DLG4: variants seen among roughly 807,000 people sequenced by gnomAD.
DLG4 encodes discs large MAGUK scaffold protein 4.
DLG4 carries 7 observed loss-of-function variants against 93.8 expected under a neutral mutation model. That is an observed-to-expected ratio of 0.07 (90% CI 0.04 to 0.14). The LOEUF (loss-of-function observed/expected upper bound fraction) is 0.14, where lower values mean the gene tolerates loss of function less well. Among genes scored for constraint, DLG4 ranks in the 10% least tolerant of loss-of-function variants. DLG4 has a pLI of 1.00. For synonymous variants in DLG4, 341 were observed against 387.6 expected, an observed-to-expected ratio of 0.88 and a Z score of 1.41; for missense variants, 545 against 992.9, an observed-to-expected ratio of 0.55 and a Z score of 6.06.
At position 7,204,034 on chromosome 17, in the gene DLG4, C is replaced by T; in HGVS notation, c.184G>A (p.Glu62Lys). The T allele has an allele frequency of 6.2e-7, 1 of 1,611,102 alleles. No individual in the cohort carries two copies. Among genetic ancestry groups the T allele is most frequent in the Non-Finnish European group, 8.5e-7 (1 of 1,178,654 alleles). Residue 62 changes from glutamate to lysine, a missense_variant, in exon 4 of 20, where the codon GAA (glutamate) becomes AAA (lysine). This residue lies in a region of DLG4 where 49 missense variants were observed against 80.4 expected (regional missense o/e 0.61). Transcript: ENST00000399506. Reference protein sequence around the residue: ...LQVNGTEGEMEYEEITLERGN... With the variant: ...LQVNGTEGEMKYEEITLERGN... ...CTTTCCAATGTGATTTCCTCGTATT[C>T]CATCTCCCCCTCGGTCCCGTTCACC...
At chr17:7,207,211 GA>G (rs1458519981) in intron 2 of DLG4, among the ~76,000 whole-genome samples, 2 of 151,996 alleles carry the variant, frequency 1.3e-5, no homozygotes, top group African/African-American at 4.8e-5. Context: ...AGGCAAGAGG[GA>G]ACATGGGAAA....
chr17:7,202,331 T>G (rs2070184051), intron 8 of DLG4, among the ~76,000 whole-genome samples: 1 of 152,178 alleles, frequency 6.6e-6, no homozygotes, highest in South Asian at 2.1e-4. Context: ...TCCCAAGTGC[T>G]GGGATTACAA....
intron 8 of DLG4, 46 bp downstream of exon 8, chr17:7,202,857 A>C (rs2070218637): frequency 1.9e-6 from 3 of 1,610,482 alleles, no homozygotes; most frequent in Non-Finnish European, 2.5e-6. Flanking sequence ...GTCATGGGTT[A>C]AACGGGATGG....
At position 7,217,099 on chromosome 17, in the gene DLG4, GCC is replaced by G; in HGVS notation, c.30+17_30+18del. 4 of 1,284,464 alleles carry G rather than the reference GCC, an allele frequency of 3.1e-6. No homozygotes were observed. The highest frequency in any genetic ancestry group is 3.9e-6 in the Non-Finnish European group (4 of 1,013,620). 79.6% of individuals were successfully genotyped at this position (1,284,464 alleles called of 1,614,324 possible). A position where few individuals can be genotyped will look rare whatever the true frequency, so the allele number is the denominator to read the frequency against. ...ACTCATACCCTCCCCCCAGTTTATA[GCC>G]CCCCCATCATGCTTACCTTGGTTGT... On this transcript the variant is annotated intron_variant, in intron 1 of 19. Coordinates refer to ENST00000399506, the MANE Select transcript of DLG4 (RefSeq NM_001321075.3).
rs2070582478 is a variant in DLG4, at chr17:7,208,487, C to T, written c.31-248G>A. Among the ~76,000 whole-genome samples the T allele has an allele frequency of 6.6e-6, 1 of 152,108 alleles. No individual in the cohort carries two copies. The highest frequency in any genetic ancestry group is 1.5e-5 in the Non-Finnish European group (1 of 68,014). ...AGGTCCCAATCCCATCCCCCAACTC[C>T]TACTCCTCACATCCTGGGACACTGG... On this transcript the variant is annotated intron_variant, in intron 1 of 19. Transcript: ENST00000399506. The surrounding 1 kb of genome is among the most constrained non-coding windows in gnomAD (Gnocchi z 5.4).
chr17:7,211,626 G>C (rs1008605977), intron 1 of DLG4: 56 of 951,658 alleles, frequency 5.9e-5, no homozygotes, highest in Non-Finnish European at 6.6e-5. Context: ...CGGGAAGGGG[G>C]AGCGGGCCGG....
upstream of DLG4, chr17:7,218,996 G>T (rs948110140): frequency 5.0e-6 from 4 of 803,324 alleles, no homozygotes; most frequent in African/African-American, 1.7e-5. Context: ...CACCAGCACC[G>T]CCACCATCTT....
chr17:7,189,026 C>T lies in DLG4; in HGVS notation c.*1682G>A, dbSNP rs1040993511. On this transcript the variant is annotated 3_prime_UTR_variant, in exon 20 of 20. Transcript: ENST00000399506. ...ATTCGAGAGGCTGAGGCAGGAGAAC[C>T]GTGTGAACCCAGCAGGCAGAGGTTG... Among the ~76,000 whole-genome samples, 15 of 148,840 alleles carry T rather than the reference C, an allele frequency of 1.0e-4. No individual in the cohort carries two copies. Among genetic ancestry groups the T allele is most frequent in the Admixed American group, 3.4e-4 (5 of 14,876 alleles).
In DLG4 at chr17:7,191,224, A is replaced by G. The variant is rs781417677; in HGVS notation, c.2068+43T>C. ...CGGGGGAGCTCTTTCTAATCCGAGCAAGGGCACCCTACATGCTGGCAACAG... is the reference window on the plus strand; with the variant it reads ...CGGGGGAGCTCTTTCTAATCCGAGCGAGGGCACCCTACATGCTGGCAACAG... On this transcript the variant is annotated intron_variant, in intron 19 of 19. Coordinates refer to ENST00000399506, the MANE Select transcript of DLG4 (RefSeq NM_001321075.3). This position sits in a 1 kb window ranked among gnomAD's most constrained non-coding sequence, Gnocchi z 6.6. 1.5e-5 allele frequency: 24 copies of G among 1,596,836 alleles called. No individual in the cohort carries two copies. Among genetic ancestry groups the G allele is most frequent in the Non-Finnish European group, 5.1e-6 (6 of 1,165,138 alleles).
intron 8 of DLG4, among the ~76,000 whole-genome samples, chr17:7,197,332 T>A (rs1198611664): frequency 6.6e-6 from 1 of 152,046 alleles, no homozygotes; most frequent in Non-Finnish European, 1.5e-5. Flanking sequence ...AGCATTAATA[T>A]TACGCTTTGG....
At position 7,190,489 on chromosome 17, in the gene DLG4, C is replaced by G. The variant is rs932499704; in HGVS notation, c.*219G>C. The G allele has an allele frequency of 7.1e-6, 4 of 559,930 alleles. No individual in the cohort carries two copies. The highest frequency in any genetic ancestry group is 3.0e-5 in the East Asian group (1 of 33,552). 34.7% of individuals were successfully genotyped at this position (559,930 alleles called of 1,614,324 possible). A position where few individuals can be genotyped will look rare whatever the true frequency, so the allele number is the denominator to read the frequency against. On this transcript the variant is annotated 3_prime_UTR_variant, in exon 20 of 20. Transcript: ENST00000399506. ...CGGAACAAGGAGCCCAGCTCCCCCCCAGACCCCAGGTTCCTGGCGTTCAGG... is the reference window on the plus strand; with the variant it reads ...CGGAACAAGGAGCCCAGCTCCCCCCGAGACCCCAGGTTCCTGGCGTTCAGG...
chr17:7,202,372 C>T (rs1345578810), intron 8 of DLG4, among the ~76,000 whole-genome samples: 3 of 152,128 alleles, frequency 2.0e-5, no homozygotes, highest in Admixed American at 1.3e-4. Flanking sequence ...CCTCCCGTAA[C>T]GTTTTAATAT....
chr17:7,199,838 G>A (rs1240413363), intron 8 of DLG4, among the ~76,000 whole-genome samples: 3 of 151,958 alleles, frequency 2.0e-5, no homozygotes, highest in African/African-American at 7.3e-5. Flanking sequence ...AAATTAGCCA[G>A]GCGTGGTGGT....
chr17:7,215,214 G>C (rs2070858648), intron 1 of DLG4, among the ~76,000 whole-genome samples: 1 of 152,232 alleles, frequency 6.6e-6, no homozygotes, highest in Non-Finnish European at 1.5e-5. Flanking sequence ...TCCAGCCAAG[G>C]AATGTGGCAA....
Position 7,213,091 on chromosome 17 carries a change from C to CTTTTTTTTTTTTTTTTTTTTTTT in DLG4, c.30+4026_30+4027insAAAAAAAAAAAAAAAAAAAAAAA, listed in dbSNP as rs1567551398. ...CCTTTTCCTTTTCTTTTCTTTCTTT[C>CTTTTTTTTTTTTTTTTTTTTTTT]TTTCTTTTTTTTTTTTTTTTTTTTG... On this transcript the variant is annotated intron_variant, in intron 1 of 19. Transcript: ENST00000399506. 2.0e-5 allele frequency among the ~76,000 whole-genome samples: 2 copies of CTTTTTTTTTTTTTTTTTTTTTTT among 99,538 alleles called. 1 individual carries two copies. The highest frequency in any genetic ancestry group is 2.2e-4 in the Admixed American group (2 of 9,152). The allele number at this position is 99,538 out of a possible 152,430, so 65.3% of individuals were successfully genotyped here.
intron 1 of DLG4, among the ~76,000 whole-genome samples, chr17:7,211,479 G>A (rs1331808786): frequency 6.6e-6 from 1 of 151,598 alleles, no homozygotes; most frequent in Non-Finnish European, 1.5e-5. Flanking sequence ...CAAAACATAG[G>A]GGTGTGAGTC....
At chr17:7,199,008 G>T (rs2069967899) in intron 8 of DLG4, among the ~76,000 whole-genome samples, 1 of 151,726 alleles carries the variant, frequency 6.6e-6, no homozygotes, top group Non-Finnish European at 1.5e-5. Flanking sequence ...GACAAAGCAA[G>T]ACCTGCCTCC....
Position 7,203,950 on chromosome 17 carries a change from C to T in DLG4, c.210+58G>A, listed in dbSNP as rs1489506148. 6.3e-7 allele frequency: 1 copy of T among 1,595,898 alleles called. No individual in the cohort carries two copies. The highest frequency in any genetic ancestry group is 8.5e-7 in the Non-Finnish European group (1 of 1,171,046). On this transcript the variant is annotated intron_variant, in intron 4 of 19. Transcript: ENST00000399506. The surrounding 1 kb of genome is among the most constrained non-coding windows in gnomAD (Gnocchi z 7.2). ...GGGGCTAGCCACCCAGACCACATGG[C>T]AGAAAGAAAGGTACAGACGGGAGGC...
chr17:7,208,774 T>C lies in DLG4; in HGVS notation c.31-535A>G, dbSNP rs2070594335. Among the ~76,000 whole-genome samples the C allele has an allele frequency of 6.6e-6, 1 of 151,864 alleles. No homozygotes were observed. The highest frequency in any genetic ancestry group is 1.5e-5 in the Non-Finnish European group (1 of 67,960). ...CACCTCCATGGCCTCAGTCTCCCCA[T>C]TGCAGCCTCTACCCCACAGGTGATT... On this transcript the variant is annotated intron_variant, in intron 1 of 19. Coordinates refer to ENST00000399506, the MANE Select transcript of DLG4 (RefSeq NM_001321075.3). The surrounding 1 kb of genome is among the most constrained non-coding windows in gnomAD (Gnocchi z 5.4).
Sources: allele counts gnomAD v4.1 joint callset (sites outside exome capture counted in the v4.1 genomes callset), GRCh38; gene constraint gnomAD v4.1.1; regional missense constraint gnomAD v4.1.1; non-coding constraint Gnocchi (gnomAD v3.1); transcripts MANE v1.5; gene names NCBI Gene and HGNC (gene_info 2026-07-23, HGNC 2026-07-21).